The following ESRRG variants were observed in gnomAD, a reference collection of about 807,000 sequenced individuals.
The protein encoded by ESRRG is estrogen-related receptor gamma.
Under a neutral mutation model 44.0 loss-of-function variants are expected in ESRRG, and 13 were observed. The ratio of observed to expected loss-of-function variants is 0.30; its 90% CI spans 0.19 to 0.47. The LOEUF is 0.47. ESRRG is among the 20% of genes least tolerant of loss of function. The probability of loss-of-function intolerance (pLI) is 1.00; values close to 1 mark genes in which losing one functional copy is unlikely to be tolerated. For synonymous variants in ESRRG, 215 were observed against 214.6 expected (o/e 1.00, Z -0.02); for missense variants, 395 against 580.6 (o/e 0.68, Z 3.29).
intron 1 of ESRRG, among the ~76,000 whole-genome samples, chr1:216,999,667 G>C (rs1211827296): frequency 2.0e-5 from 3 of 152,170 alleles, no homozygotes; most frequent in Non-Finnish European, 2.9e-5. Flanking sequence ...AGATTCGCTT[G>C]TTCGTTCAGC....
intron 1 of ESRRG, among the ~76,000 whole-genome samples, chr1:217,055,968 C>T (rs572969141): frequency 1.2e-4 from 18 of 152,256 alleles, no homozygotes; most frequent in African/African-American, 3.6e-4. Flanking sequence ...TCCTTTTCTC[C>T]TTGGGTACAC....
At chr1:217,021,885 T>A (rs912434013) in intron 1 of ESRRG, among the ~76,000 whole-genome samples, 3 of 152,162 alleles carry the variant, frequency 2.0e-5, no homozygotes, top group Non-Finnish European at 4.4e-5. Context: ...GGACTTAAAC[T>A]TTTTTCCTCT....
intron 2 of ESRRG, among the ~76,000 whole-genome samples, chr1:216,676,570 A>C (rs896746683): frequency 1.3e-5 from 2 of 152,198 alleles, no homozygotes; most frequent in Non-Finnish European, 1.5e-5. Flanking sequence ...AAAATATACA[A>C]TCTCAGGCAG....
chr1:216,561,197 T>C (rs919332126), intron 5 of ESRRG, among the ~76,000 whole-genome samples: 1 of 152,182 alleles, frequency 6.6e-6, no homozygotes, highest in Admixed American at 6.6e-5. Flanking sequence ...ATCCTTCACT[T>C]TCTTATAAAG....
At chr1:216,578,713 C>T (rs113206562) in intron 3 of ESRRG, among the ~76,000 whole-genome samples, 1 of 151,948 alleles carries the variant, frequency 6.6e-6, no homozygotes, top group African/African-American at 2.4e-5. Flanking sequence ...GGAAAGTTAG[C>T]AAAGAAAAAA....
intron 6 of ESRRG, among the ~76,000 whole-genome samples, chr1:216,516,946 T>C (rs1340808725): frequency 6.6e-6 from 1 of 152,048 alleles, no homozygotes; most frequent in Non-Finnish European, 1.5e-5. Context: ...GCAGGTTAGG[T>C]GGGTGAAGAA....
chr1:216,731,632 AC>A (rs2088797906), intron 2 of ESRRG, among the ~76,000 whole-genome samples: 2 of 152,208 alleles, frequency 1.3e-5, no homozygotes, highest in Admixed American at 1.3e-4. Context: ...AAAACTCAAT[AC>A]GTACCCCCAA....
At position 216,730,563 on chromosome 1, in the gene ESRRG, A is replaced by G. The variant is rs536114218; in HGVS notation, c.-13-53072T>C. On this transcript the variant is annotated intron_variant, in intron 2 of 7. Transcript: ENST00000359162. ...GCCTGACAGTATGCCCATGGCCAGT[A>G]ATGGAACTCAAGACATATTCCTGTC... 2.0e-5 allele frequency among the ~76,000 whole-genome samples: 3 copies of G among 152,240 alleles called. No individual in the cohort carries two copies. The South Asian group carries it at 6.2e-4, about 32-fold the overall frequency.
rs191848503 is a variant in ESRRG, at chr1:216,982,437, G to A, written c.-105-42764C>T. ...GATTTTTTTTCTCCCCATAAACAAA[G>A]CACTGCCATACCTGGAGTATATCCC... On this transcript the variant is annotated intron_variant, in intron 1 of 7. Coordinates refer to the ESRRG transcript ENST00000359162. Among the ~76,000 whole-genome samples the A allele has an allele frequency of 3.3e-3, 507 of 152,022 alleles. 3 individuals carry two copies. Among genetic ancestry groups the A allele is most frequent in the Admixed American group, 0.025 (375 of 15,258 alleles).
chr1:216,553,169 C>T (rs1338709736), intron 5 of ESRRG, among the ~76,000 whole-genome samples: 1 of 151,988 alleles, frequency 6.6e-6, no homozygotes, highest in African/African-American at 2.4e-5. Context: ...CAGGAACTCA[C>T]AGCTGCTCCT....
intron 2 of ESRRG, among the ~76,000 whole-genome samples, chr1:216,792,195 C>A (rs1185214606): frequency 6.6e-5 from 10 of 152,162 alleles, no homozygotes; most frequent in African/African-American, 2.2e-4. Context: ...CAGCCTCATT[C>A]ATTATCTCTG....
chr1:217,073,590 T>A (rs1436238990), intron 1 of ESRRG, among the ~76,000 whole-genome samples: 1 of 152,182 alleles, frequency 6.6e-6, no homozygotes, highest in African/African-American at 2.4e-5. Flanking sequence ...TTTCCATTTA[T>A]AAAACCAGGG....
At chr1:217,057,348 A>G (rs1172151005) in intron 1 of ESRRG, among the ~76,000 whole-genome samples, 1 of 152,208 alleles carries the variant, frequency 6.6e-6, no homozygotes, top group Non-Finnish European at 1.5e-5. Flanking sequence ...CATAAAAATG[A>G]ACAATGGAAT....
At chr1:217,092,704 G>A (rs2092366536), upstream of ESRRG, among the ~76,000 whole-genome samples, 2 of 152,240 alleles carry the variant, frequency 1.3e-5, no homozygotes, top group South Asian at 2.1e-4. Context: ...ATTCCTTTCT[G>A]AACAAATATG....
At chr1:216,893,275 T>A (rs1215185039) in intron 2 of ESRRG, among the ~76,000 whole-genome samples, 1 of 152,088 alleles carries the variant, frequency 6.6e-6, no homozygotes. Flanking sequence ...GGTGGCCAAA[T>A]ACACACAGTT....
chr1:216,703,053 T>G (rs1395798769), intron 1 of ESRRG, among the ~76,000 whole-genome samples: 4 of 152,192 alleles, frequency 2.6e-5, no homozygotes, highest in African/African-American at 7.2e-5. Context: ...AGCTTAAGTA[T>G]TCTTGTATAG....
chr1:216,637,235 C>T (rs1248629760), intron 3 of ESRRG, among the ~76,000 whole-genome samples: 5 of 152,220 alleles, frequency 3.3e-5, no homozygotes, highest in East Asian at 1.9e-4. Flanking sequence ...CAGAAATATA[C>T]GTAGCTCAAA....
intron 2 of ESRRG, among the ~76,000 whole-genome samples, chr1:216,655,257 G>A (rs1368145161): frequency 6.6e-6 from 1 of 152,140 alleles, no homozygotes; most frequent in Admixed American, 6.6e-5. Context: ...GTTTGGATTA[G>A]AGAGAGGTAG....
intron 2 of ESRRG, among the ~76,000 whole-genome samples, chr1:216,734,718 T>C (rs1433199536): frequency 6.6e-6 from 1 of 152,158 alleles, no homozygotes; most frequent in African/African-American, 2.4e-5. Context: ...CTCATACAAC[T>C]TGAGTTTTTT....
Sources: gnomAD v4.1 joint callset for allele counts (sites outside exome capture counted in the v4.1 genomes callset) on GRCh38, gnomAD v4.1.1 for gene constraint, MANE v1.5 for transcripts, NCBI Gene and HGNC (gene_info 2026-07-23, HGNC 2026-07-21) for gene names.